The following PDE10A variants were observed in gnomAD, a reference collection of about 807,000 sequenced individuals.
PDE10A encodes the protein phosphodiesterase 10A.
A neutral mutation model predicts 97.7 loss-of-function variants in PDE10A; 39 were observed. The ratio of observed to expected loss-of-function variants is 0.40; its 90% CI spans 0.31 to 0.52. PDE10A has a LOEUF of 0.52. PDE10A is among the 20% of genes least tolerant of loss of function. PDE10A has a pLI of 0.56. For synonymous variants in PDE10A, 371 were observed against 376.8 expected, an observed-to-expected ratio of 0.98 and a Z score of 0.18; for missense variants, 731 against 1,047.8, an observed-to-expected ratio of 0.70 and a Z score of 4.17.
rs187478961 is a variant in PDE10A at position 165,628,392 on chromosome 6, C to A, written c.865+33555G>T. ...TCAGAGGTAGAGTCTTGCTCTGCTG[C>A]CTAGGCTAGAGGGCAGTGACACGAT... On this transcript the variant is annotated intron_variant, in intron 1 of 21. Coordinates refer to ENST00000539869, the MANE Select transcript of PDE10A (RefSeq NM_001385079.1). 2.6e-5 allele frequency among the ~76,000 whole-genome samples: 4 copies of A among 151,924 alleles called. 1 individual carries two copies. The highest frequency in any genetic ancestry group is 9.7e-5 in the African/African-American group (4 of 41,414).
intron 1 of PDE10A, among the ~76,000 whole-genome samples, chr6:165,651,369 T>C (rs1187969617): frequency 1.3e-5 from 2 of 152,214 alleles, no homozygotes; most frequent in Non-Finnish European, 2.9e-5. Flanking sequence ...CAAGAGCTCT[T>C]TGCTTAATCA....
chr6:165,434,267 C>T (rs1190527524), intron 6 of PDE10A, among the ~76,000 whole-genome samples: 1 of 133,988 alleles, frequency 7.5e-6, no homozygotes, highest in Non-Finnish European at 1.6e-5. Flanking sequence ...CCCTTCCTCC[C>T]TTCCTTCCCT....
chr6:165,859,110 A>C (rs1562770962), intron 1 of PDE10A, among the ~76,000 whole-genome samples: 1 of 152,294 alleles, frequency 6.6e-6, no homozygotes, highest in Non-Finnish European at 1.5e-5. Context: ...ATTTTCATTC[A>C]CTGATCAAAA....
chr6:165,871,543 A>T (rs1467767356), intron 1 of PDE10A, among the ~76,000 whole-genome samples: 1 of 152,208 alleles, frequency 6.6e-6, no homozygotes, highest in Non-Finnish European at 1.5e-5. Context: ...GAAAACATTC[A>T]GCAGGAGACA....
chr6:165,825,840 A>G (rs962142667), intron 1 of PDE10A, among the ~76,000 whole-genome samples: 3 of 152,094 alleles, frequency 2.0e-5, no homozygotes, highest in East Asian at 3.9e-4. Flanking sequence ...GCCACTCCCA[A>G]CTTTCTTTCC....
At chr6:165,862,702 C>T (rs550653465) in intron 1 of PDE10A, among the ~76,000 whole-genome samples, 14 of 136,054 alleles carry the variant, frequency 1.0e-4, no homozygotes, top group Admixed American at 6.1e-4. Context: ...TTTTTTGAGA[C>T]GGAGTCTTCC....
intron 1 of PDE10A, among the ~76,000 whole-genome samples, chr6:165,690,274 C>T (rs1791236285): frequency 1.3e-5 from 2 of 152,218 alleles, no homozygotes. Flanking sequence ...GAACTCATCC[C>T]ATGGTCTCCA....
At chr6:165,970,493 C>T (rs1420589404) in intron 1 of PDE10A, among the ~76,000 whole-genome samples, 1 of 150,660 alleles carries the variant, frequency 6.6e-6, no homozygotes, top group East Asian at 1.9e-4. Context: ...AGTTTGAGAT[C>T]ATTTCAAAAT....
At chr6:165,648,684 A>C (rs1032766892) in intron 1 of PDE10A, among the ~76,000 whole-genome samples, 1 of 152,220 alleles carries the variant, frequency 6.6e-6, no homozygotes, top group Non-Finnish European at 1.5e-5. Context: ...AAAATTCAAA[A>C]ATCATACAGG....
chr6:165,684,846 T>C (rs992426318), intron 1 of PDE10A, among the ~76,000 whole-genome samples: 11 of 152,228 alleles, frequency 7.2e-5, no homozygotes, highest in African/African-American at 2.7e-4. Flanking sequence ...TCCTCTGTCA[T>C]GCACGGTCTC....
chr6:165,810,127 G>T (rs986562103), intron 1 of PDE10A, among the ~76,000 whole-genome samples: 1 of 152,158 alleles, frequency 6.6e-6, no homozygotes, highest in Non-Finnish European at 1.5e-5. Flanking sequence ...GGCAAGCCAG[G>T]TGGTTCAGGA....
intron 1 of PDE10A, among the ~76,000 whole-genome samples, chr6:165,975,896 G>A (rs1784831954): frequency 1.3e-5 from 2 of 152,182 alleles, no homozygotes; most frequent in South Asian, 2.1e-4. Context: ...GCTGTTCCCA[G>A]CACCTCTCTT....
intron 1 of PDE10A, among the ~76,000 whole-genome samples, chr6:165,813,394 T>C (rs955476357): frequency 6.8e-6 from 1 of 148,048 alleles, no homozygotes; most frequent in African/African-American, 2.5e-5. Flanking sequence ...GCATATGTTA[T>C]GGAGACATGG....
At chr6:165,854,275 G>T (rs1047730219) in intron 1 of PDE10A, among the ~76,000 whole-genome samples, 2 of 152,160 alleles carry the variant, frequency 1.3e-5, no homozygotes, top group Non-Finnish European at 2.9e-5. Context: ...CCCCTGCGCC[G>T]GGTGACGGAG....
chr6:165,640,838 T>C (rs998042410), intron 1 of PDE10A, among the ~76,000 whole-genome samples: 10 of 152,264 alleles, frequency 6.6e-5, no homozygotes, highest in Non-Finnish European at 1.2e-4. Context: ...ATAACTCATC[T>C]ATTAATAAGA....
intron 1 of PDE10A, among the ~76,000 whole-genome samples, chr6:165,982,082 G>A (rs928589495): frequency 1.3e-5 from 2 of 152,148 alleles, no homozygotes; most frequent in Admixed American, 6.5e-5. Flanking sequence ...CAAAATCTTG[G>A]TGTTATTGTA....
intron 2 of PDE10A, among the ~76,000 whole-genome samples, chr6:165,508,708 G>T (rs935445695): frequency 6.6e-6 from 1 of 151,638 alleles, no homozygotes; most frequent in Non-Finnish European, 1.5e-5. Flanking sequence ...ATAGTAACTG[G>T]GTTTAATTTT....
intron 18 of PDE10A, among the ~76,000 whole-genome samples, chr6:165,356,597 T>C (rs1783041638): frequency 6.6e-6 from 1 of 152,156 alleles, no homozygotes; most frequent in African/African-American, 2.4e-5. Context: ...TTTTTGTGCC[T>C]ACCCTAAGGT....
chr6:165,725,454 G>T (rs1000292269), intron 1 of PDE10A, among the ~76,000 whole-genome samples: 1 of 152,184 alleles, frequency 6.6e-6, no homozygotes, highest in African/African-American at 2.4e-5. Flanking sequence ...CCCCCTAGGG[G>T]TATGAGCAGT....
Sources: gnomAD v4.1 joint callset for allele counts (sites outside exome capture counted in the v4.1 genomes callset) on GRCh38, gnomAD v4.1.1 for gene constraint, MANE v1.5 for transcripts, NCBI Gene and HGNC (gene_info 2026-07-23, HGNC 2026-07-21) for gene names.